The following NFX1 variants were observed in gnomAD, a reference collection of about 807,000 sequenced individuals.
NFX1 encodes nuclear transcription factor, X-box binding 1.
A neutral mutation model predicts 137.2 loss-of-function variants in NFX1; 69 were observed. The ratio of observed to expected loss-of-function variants is 0.50; its 90% CI spans 0.41 to 0.61. The LOEUF (loss-of-function observed/expected upper bound fraction) is 0.61, where lower values mean the gene tolerates loss of function less well. Among genes scored for constraint, NFX1 ranks in the 20% least tolerant of loss-of-function variants. NFX1 has a pLI of 0.00. For synonymous variants in NFX1, 495 were observed against 474.1 expected (o/e 1.04, Z -0.57); for missense variants, 1,167 against 1,391.0 (o/e 0.84, Z 2.56).
In NFX1 at chr9:33,291,796, C is replaced by T. The variant is rs1463280889; in HGVS notation, c.25+1199C>T. Among the ~76,000 whole-genome samples, 5 of 152,164 alleles carry T rather than the reference C, an allele frequency of 3.3e-5. No individual in the cohort carries two copies. In the East Asian group the frequency reaches 9.7e-4, roughly 29 times the overall value. ...CACGCGCCTGTAGTCCCAGCTACTC[C>T]GGAGGCTGAGGCAAGAGAATTGCTT... On this transcript the variant is annotated intron_variant, in intron 1 of 23. Coordinates refer to ENST00000379540, the MANE Select transcript of NFX1 (RefSeq NM_002504.6).
chr9:33,319,145 A>AG lies in NFX1; in HGVS notation c.1906+19dup. On this transcript the variant is annotated intron_variant, in intron 9 of 23. Coordinates refer to ENST00000379540, the MANE Select transcript of NFX1 (RefSeq NM_002504.6). The stretch of plus-strand genomic sequence containing the variant: ...TTCCTTAGGTAACTAGTAAGCGTAA[A>AG]GTTGGCTTTAAAAATATTATTGTAA... 6.2e-7 allele frequency: 1 copy of AG among 1,609,868 alleles called. No individual in the cohort carries two copies. Among genetic ancestry groups the AG allele is most frequent in the Non-Finnish European group, 8.5e-7 (1 of 1,176,506 alleles).
chr9:33,293,667 C>G (rs1247631650), intron 1 of NFX1, among the ~76,000 whole-genome samples: 1 of 152,174 alleles, frequency 6.6e-6, no homozygotes, highest in Admixed American at 6.5e-5. Context: ...ACCATTTTGT[C>G]TTTGTGCTTC....
intron 7 of NFX1, among the ~76,000 whole-genome samples, chr9:33,315,655 G>C (rs1411379681): frequency 6.6e-6 from 1 of 151,696 alleles, no homozygotes; most frequent in East Asian, 1.9e-4. Context: ...GGGAGGCCAG[G>C]GCAGGTGGAT....
At chr9:33,333,317 T>C (rs1822881916) in intron 11 of NFX1, among the ~76,000 whole-genome samples, 2 of 152,324 alleles carry the variant, frequency 1.3e-5, no homozygotes, top group South Asian at 4.1e-4. Flanking sequence ...CAAGAAAAAG[T>C]GACTTTTACG....
chr9:33,360,679 A>G (rs1043560426), intron 19 of NFX1, among the ~76,000 whole-genome samples: 3 of 152,140 alleles, frequency 2.0e-5, no homozygotes, highest in African/African-American at 7.2e-5. Flanking sequence ...GTATATCTCT[A>G]TTGTAGAAAT....
rs571717585 is a variant in NFX1 at position 33,358,719 on chromosome 9, A to G, written c.2873+3827A>G. The stretch of plus-strand genomic sequence containing the variant: ...ACTCTGTCTCCCAGGCTGGAGTGCA[A>G]TGGCACAATTACAGCTCACTGCAGC... On this transcript the variant is annotated intron_variant, in intron 19 of 23. Transcript: ENST00000379540. Among the ~76,000 whole-genome samples, 9 of 124,352 alleles carry G rather than the reference A, an allele frequency of 7.2e-5. 1 individual carries two copies. The South Asian group carries it at 2.1e-3, about 29-fold the overall frequency. The allele number at this position is 124,352 out of a possible 152,430, so 81.6% of individuals were successfully genotyped here.
chr9:33,352,040 A>G (rs990688831), intron 16 of NFX1, among the ~76,000 whole-genome samples: 4 of 152,188 alleles, frequency 2.6e-5, no homozygotes, highest in Non-Finnish European at 5.9e-5. Flanking sequence ...TGAGATTCTC[A>G]ATAGTCACTG....
At chr9:33,345,026 G>T (rs1040922519) in intron 14 of NFX1, among the ~76,000 whole-genome samples, 1 of 151,878 alleles carries the variant, frequency 6.6e-6, no homozygotes, top group African/African-American at 2.4e-5. Context: ...GCCAGGCATT[G>T]TGGCGGGCAC....
intron 19 of NFX1, among the ~76,000 whole-genome samples, chr9:33,356,653 G>C (rs1323735562): frequency 1.3e-5 from 2 of 152,002 alleles, no homozygotes; most frequent in Non-Finnish European, 2.9e-5. Context: ...ATCTACAGTT[G>C]ACCTGTACTG....
chr9:33,328,710 A>G (rs769285068), intron 10 of NFX1, 32 bp downstream of exon 10: 61 of 1,525,326 alleles, frequency 4.0e-5, no homozygotes, highest in Non-Finnish European at 5.3e-5. Context: ...AGTTGTTGCC[A>G]TCAATGTTTT....
At chr9:33,345,445 C>G (rs903639834) in intron 14 of NFX1, among the ~76,000 whole-genome samples, 2 of 151,328 alleles carry the variant, frequency 1.3e-5, no homozygotes, top group African/African-American at 4.9e-5. Context: ...CCATTGCACT[C>G]CAGCCTGGGT....
At chr9:33,317,091 T>C (rs1822189121) in intron 7 of NFX1, among the ~76,000 whole-genome samples, 1 of 152,114 alleles carries the variant, frequency 6.6e-6, no homozygotes, top group Non-Finnish European at 1.5e-5. Context: ...TCAGTCTTTA[T>C]TAAATGAACA....
At chr9:33,338,651 CT>C in intron 12 of NFX1, 62 bp downstream of exon 12, 1 of 1,422,442 alleles carries the variant, frequency 7.0e-7, no homozygotes, top group Non-Finnish European at 9.6e-7. Flanking sequence ...TTCTGGAAGC[CT>C]GAGCCATGTG....
At chr9:33,335,475 C>T (rs545914662) in intron 11 of NFX1, among the ~76,000 whole-genome samples, 13 of 152,122 alleles carry the variant, frequency 8.5e-5, no homozygotes, top group East Asian at 5.8e-4. Flanking sequence ...TCATGTAATC[C>T]GCCTGCCTCA....
chr9:33,328,806 A>G (rs1024369475), intron 10 of NFX1, 128 bp downstream of exon 10: 1 of 666,410 alleles, frequency 1.5e-6, no homozygotes, highest in African/African-American at 1.8e-5. Context: ...CTCAAGGTCC[A>G]GAGGCCTATA....
Position 33,351,698 on chromosome 9 carries a change from C to G in NFX1, c.2563C>G (p.Pro855Ala), listed in dbSNP as rs1450419590. ...TCTTGTGGATGAGCCCTGCAAGCAG[C>G]CCTGCACCACCCCCAGAGCTGACTG... ...ECLVDEPCKQPCTTPRADCGH... is the reference protein window; with the variant it reads ...ECLVDEPCKQACTTPRADCGH... Residue 855 changes from proline (P) to alanine (A), a missense_variant, in exon 16 of 24, where the codon CCC becomes GCC. Coordinates refer to ENST00000379540, the MANE Select transcript of NFX1 (RefSeq NM_002504.6). 3 of 1,614,042 alleles carry G rather than the reference C, an allele frequency of 1.9e-6. No individual in the cohort carries two copies. Among genetic ancestry groups the G allele is most frequent in the Admixed American group, 1.7e-5 (1 of 60,010 alleles).
intron 23 of NFX1, among the ~76,000 whole-genome samples, chr9:33,368,148 TC>T (rs1391284743): frequency 3.3e-5 from 5 of 151,838 alleles, no homozygotes; most frequent in South Asian, 2.1e-4. Flanking sequence ...GGCAAGAGAA[TC>T]ACTTGAACCT....
chr9:33,340,606 T>C (rs1390961382), intron 12 of NFX1, among the ~76,000 whole-genome samples: 1 of 152,218 alleles, frequency 6.6e-6, no homozygotes, highest in Non-Finnish European at 1.5e-5. Context: ...TCTCAGAAAA[T>C]AGGATTTTCT....
chr9:33,352,763 CAGAT>C, intron 17 of NFX1, 44 bp downstream of exon 17: 1 of 1,487,354 alleles, frequency 6.7e-7, no homozygotes. Flanking sequence ...CTAGGTGAAA[CAGAT>C]ACATGTGTTT....
Sources: gnomAD v4.1 joint callset for allele counts (sites outside exome capture counted in the v4.1 genomes callset) on GRCh38, gnomAD v4.1.1 for gene constraint, MANE v1.5 for transcripts, NCBI Gene and HGNC (gene_info 2026-07-23, HGNC 2026-07-21) for gene names.